MAML3: variants seen among roughly 807,000 people sequenced by gnomAD.
MAML3 encodes the protein mastermind-like protein 3.
MAML3 carries 27 observed loss-of-function variants against 101.9 expected under a neutral mutation model. That is an observed-to-expected ratio of 0.27 (90% CI 0.20 to 0.37). The LOEUF is 0.37. MAML3 is among the 10% of genes least tolerant of loss of function. The pLI is 1.00. For missense variants in MAML3, 1,316 were observed against 1,444.9 expected, an observed-to-expected ratio of 0.91 and a Z score of 1.45; for synonymous variants, 501 against 555.9, an observed-to-expected ratio of 0.90 and a Z score of 1.39.
At chr4:139,894,066 T>A (rs1732556794) in intron 1 of MAML3, among the ~76,000 whole-genome samples, 2 of 152,128 alleles carry the variant, frequency 1.3e-5, no homozygotes, top group South Asian at 4.1e-4. Context: ...AGGGGGAGGA[T>A]TCCCTCTGCC....
intron 2 of MAML3, among the ~76,000 whole-genome samples, chr4:139,742,493 A>C (rs1446788212): frequency 6.6e-6 from 1 of 152,188 alleles, no homozygotes; most frequent in Non-Finnish European, 1.5e-5. Context: ...CTTGGGAAGC[A>C]TGATTCAGCA....
chr4:139,832,653 G>A (rs1731188969), intron 2 of MAML3, among the ~76,000 whole-genome samples: 2 of 152,138 alleles, frequency 1.3e-5, no homozygotes, highest in Non-Finnish European at 2.9e-5. Flanking sequence ...TGTGCCTGGT[G>A]CCTACTTACT....
intron 1 of MAML3, among the ~76,000 whole-genome samples, chr4:139,901,505 C>T (rs556234656): frequency 6.6e-6 from 1 of 152,346 alleles, no homozygotes; most frequent in Non-Finnish European, 1.5e-5. Context: ...ATTTTCTATT[C>T]AAACATGCTT....
intron 2 of MAML3, among the ~76,000 whole-genome samples, chr4:139,807,362 C>T (rs1234126823): frequency 6.6e-6 from 1 of 152,138 alleles, no homozygotes; most frequent in African/African-American, 2.4e-5. Context: ...CAAAAATCTA[C>T]TAACCCATAC....
intron 1 of MAML3, among the ~76,000 whole-genome samples, chr4:140,042,591 G>A (rs555125887): frequency 2.0e-5 from 3 of 152,062 alleles, no homozygotes; most frequent in East Asian, 1.9e-4. Flanking sequence ...CTGAGATCAC[G>A]CCACTGCACT....
intron 2 of MAML3, among the ~76,000 whole-genome samples, chr4:139,861,477 A>ATGTGTG (rs55851938): frequency 0.078 from 11,448 of 146,346 alleles, 573 homozygotes; most frequent in African/African-American, 0.13. Context: ...TAACCAGCCG[A>ATGTGTG]TGTGTGTGTG....
At chr4:140,019,803 G>A (rs1726703725) in intron 1 of MAML3, among the ~76,000 whole-genome samples, 1 of 152,138 alleles carries the variant, frequency 6.6e-6, no homozygotes, top group South Asian at 2.1e-4. Flanking sequence ...GGAGTGTTTT[G>A]GGCGAAGTTG....
At chr4:139,907,898 A>T (rs767610411) in intron 1 of MAML3, among the ~76,000 whole-genome samples, 1 of 152,182 alleles carries the variant, frequency 6.6e-6, no homozygotes, top group Non-Finnish European at 1.5e-5. Context: ...TGAACGTGTC[A>T]GTTTGGGTAA....
At chr4:139,849,129 T>TTA (rs1731500292) in intron 2 of MAML3, among the ~76,000 whole-genome samples, 3 of 152,206 alleles carry the variant, frequency 2.0e-5, no homozygotes, top group Admixed American at 2.0e-4. Flanking sequence ...AACATCATCT[T>TTA]TTTTCAAATG....
At chr4:139,829,211 G>A (rs1731119740) in intron 2 of MAML3, among the ~76,000 whole-genome samples, 1 of 148,940 alleles carries the variant, frequency 6.7e-6, no homozygotes, top group Non-Finnish European at 1.5e-5. Context: ...AGGGAGGAAG[G>A]AAGGATGGAA....
At chr4:139,891,598 A>C (rs1264129726) in intron 1 of MAML3, among the ~76,000 whole-genome samples, 5 of 152,196 alleles carry the variant, frequency 3.3e-5, no homozygotes, top group African/African-American at 1.2e-4. Context: ...TTGGACCAAA[A>C]TGTAACATAC....
chr4:140,030,600 C>A (rs1284683968), intron 1 of MAML3, among the ~76,000 whole-genome samples: 1 of 152,158 alleles, frequency 6.6e-6, no homozygotes, highest in African/African-American at 2.4e-5. Flanking sequence ...TATTTCCTGA[C>A]AACTCAAGAT....
intron 1 of MAML3, among the ~76,000 whole-genome samples, chr4:139,896,570 C>A (rs979373381): frequency 4.0e-5 from 6 of 148,334 alleles, no homozygotes; most frequent in African/African-American, 1.5e-4. Flanking sequence ...GCAAGTCCCT[C>A]ATTTAGTGTG....
rs1372449235 is a variant in MAML3 at position 139,767,884 on chromosome 4, C to A, written c.2080-37217G>T. Among the ~76,000 whole-genome samples, 3 of 152,308 alleles carry A rather than the reference C, an allele frequency of 2.0e-5. No homozygotes were observed. The South Asian group carries it at 6.2e-4, about 32-fold the overall frequency. On this transcript the variant is annotated intron_variant, in intron 2 of 4. Transcript: ENST00000509479. ...TTTGACCACTTGGTTCCTCCTTGAA[C>A]CTTTTTTAGTTCTGGTTAGTTATTT...
In MAML3 at chr4:139,904,524, G is replaced by A. The variant is rs188372531; in HGVS notation, c.469-13557C>T. ...GTTTGCAGTAGGCATAGGCGACCAC[G>A]CTGTGGGAGCACAAAGCACCACATG... is the stretch of plus-strand genomic sequence containing the variant. On this transcript the variant is annotated intron_variant, in intron 1 of 4. Coordinates refer to ENST00000509479, the MANE Select transcript of MAML3 (RefSeq NM_018717.5). 9.9e-5 allele frequency among the ~76,000 whole-genome samples: 15 copies of A among 152,280 alleles called. No homozygotes were observed. The East Asian group carries it at 2.3e-3, about 24-fold the overall frequency.
intron 1 of MAML3, among the ~76,000 whole-genome samples, chr4:140,130,509 A>C (rs534449618): frequency 6.6e-6 from 1 of 152,248 alleles, no homozygotes; most frequent in Admixed American, 6.5e-5. Context: ...CAGCTTATAC[A>C]ATGATTTTTA....
chr4:139,928,708 C>T (rs565476163), intron 1 of MAML3, among the ~76,000 whole-genome samples: 63 of 152,124 alleles, frequency 4.1e-4, no homozygotes, highest in African/African-American at 1.2e-3. Flanking sequence ...GAGGGAAGCA[C>T]GTGGGGACAG....
At chr4:140,061,628 T>C (rs1727449434) in intron 1 of MAML3, among the ~76,000 whole-genome samples, 1 of 152,198 alleles carries the variant, frequency 6.6e-6, no homozygotes, top group Admixed American at 6.5e-5. Context: ...AACCTAGACA[T>C]AGTTTTCACC....
chr4:140,045,474 C>T (rs1449903466), intron 1 of MAML3, among the ~76,000 whole-genome samples: 1 of 150,138 alleles, frequency 6.7e-6, no homozygotes, highest in Non-Finnish European at 1.5e-5. Context: ...TTTAATATTG[C>T]AATCAATGTA....
Sources: gnomAD v4.1 joint callset for allele counts (sites outside exome capture counted in the v4.1 genomes callset) on GRCh38, gnomAD v4.1.1 for gene constraint, MANE v1.5 for transcripts, NCBI Gene and HGNC (gene_info 2026-07-23, HGNC 2026-07-21) for gene names.